Variants in FER observed in about 807,000 individuals in gnomAD.
FER encodes FER tyrosine kinase, also known as tyrosine-protein kinase Fer.
FER carries 63 observed loss-of-function variants against 111.0 expected under a neutral mutation model. The ratio of observed to expected loss-of-function variants is 0.57; its 90% CI spans 0.46 to 0.70. The LOEUF (loss-of-function observed/expected upper bound fraction) is 0.70. FER is among the 30% of genes least tolerant of loss of function. The pLI, the probability that FER is intolerant of heterozygous loss-of-function variation, is 0.00. For missense variants in FER, 914 were observed against 954.0 expected, an observed-to-expected ratio of 0.96 and a Z score of 0.55; for synonymous variants, 327 against 313.9, an observed-to-expected ratio of 1.04 and a Z score of -0.44.
chr5:108,887,021 A>T (rs1365672513), intron 9 of FER, among the ~76,000 whole-genome samples: 1 of 151,718 alleles, frequency 6.6e-6, no homozygotes, highest in Non-Finnish European at 1.5e-5. Flanking sequence ...CTACACATGT[A>T]TGTTTAAATA....
chr5:108,926,283 G>T (rs1753732598), intron 10 of FER, among the ~76,000 whole-genome samples: 1 of 149,538 alleles, frequency 6.7e-6, no homozygotes. Flanking sequence ...ACAATTTTGT[G>T]CTTTTTATTT....
intron 5 of FER, among the ~76,000 whole-genome samples, chr5:108,865,472 A>G (rs758756516): frequency 6.6e-6 from 1 of 152,342 alleles, no homozygotes; most frequent in African/African-American, 2.4e-5. Flanking sequence ...ACCTAAAACC[A>G]TAAAAACCCC....
At chr5:109,168,199 A>C (rs1436426293) in intron 17 of FER, among the ~76,000 whole-genome samples, 1 of 152,184 alleles carries the variant, frequency 6.6e-6, no homozygotes, top group East Asian at 1.9e-4. Context: ...TATTCTTTGG[A>C]TGTAACAGAT....
intron 10 of FER, among the ~76,000 whole-genome samples, chr5:108,912,188 G>GTC (rs750787465): frequency 5.3e-5 from 8 of 152,116 alleles, no homozygotes; most frequent in Non-Finnish European, 1.0e-4. Context: ...TCTCAGGTAT[G>GTC]TCTTTATTAG....
intron 3 of FER, chr5:108,820,033 G>A: frequency 1.0e-6 from 1 of 985,244 alleles, no homozygotes; most frequent in Non-Finnish European, 1.2e-6. Context: ...TCTAGGACAT[G>A]GAAAGGGAAT....
intron 5 of FER, among the ~76,000 whole-genome samples, chr5:108,861,334 A>G (rs1763496717): frequency 6.6e-6 from 1 of 152,206 alleles, no homozygotes; most frequent in Non-Finnish European, 1.5e-5. Context: ...GTAAATGTCA[A>G]ACTTACATAA....
At chr5:109,023,237 A>G (rs1232139460) in intron 13 of FER, among the ~76,000 whole-genome samples, 2 of 152,146 alleles carry the variant, frequency 1.3e-5, no homozygotes, top group African/African-American at 4.8e-5. Flanking sequence ...GGCAGGGAAA[A>G]TAATCAAGAA....
rs376810288 is a variant in FER at position 108,991,525 on chromosome 5, G to C, written c.1656+32178G>C. On this transcript the variant is annotated intron_variant, in intron 13 of 19. Coordinates refer to ENST00000281092, the MANE Select transcript of FER (RefSeq NM_005246.4). ...AGCAGCTTTTCAGATCGTATACTTT[G>C]ATATTTTATTTTTTTAAGAGTTCAA... 1.1e-4 allele frequency among the ~76,000 whole-genome samples: 17 copies of C among 151,990 alleles called. No individual in the cohort carries two copies. The East Asian group carries it at 1.3e-3, about 12-fold the overall frequency.
intron 3 of FER, among the ~76,000 whole-genome samples, chr5:108,829,881 G>A (rs1403285140): frequency 6.6e-6 from 1 of 152,052 alleles, no homozygotes; most frequent in Non-Finnish European, 1.5e-5. Flanking sequence ...ATAAATAATT[G>A]TTTTAAATGC....
intron 13 of FER, among the ~76,000 whole-genome samples, chr5:108,988,581 C>G (rs1762825878): frequency 6.6e-6 from 1 of 152,080 alleles, no homozygotes; most frequent in African/African-American, 2.4e-5. Context: ...TAAAGGTGTT[C>G]ATAGTAGCCT....
intron 13 of FER, among the ~76,000 whole-genome samples, chr5:109,027,231 C>G (rs184283426): frequency 1.3e-5 from 2 of 152,066 alleles, no homozygotes; most frequent in Admixed American, 1.3e-4. Context: ...GTAATTAAGT[C>G]CTCATGTTGA....
At chr5:109,023,573 G>A (rs563400702) in intron 13 of FER, among the ~76,000 whole-genome samples, 16 of 152,044 alleles carry the variant, frequency 1.1e-4, no homozygotes, top group African/African-American at 3.4e-4. Context: ...TTCAGTCTCA[G>A]CTTAAATGCC....
intron 16 of FER, among the ~76,000 whole-genome samples, chr5:109,049,929 A>T (rs891223410): frequency 2.0e-5 from 3 of 152,180 alleles, no homozygotes; most frequent in Non-Finnish European, 4.4e-5. Context: ...GCAAACATCA[A>T]AGTTGCTGGT....
chr5:109,179,467 A>G (rs1758050441), intron 17 of FER, among the ~76,000 whole-genome samples: 1 of 152,154 alleles, frequency 6.6e-6, no homozygotes, highest in South Asian at 2.1e-4. Flanking sequence ...TTTCCCTCCT[A>G]TGTTCTGTTA....
At chr5:108,907,995 A>G (rs1330552111) in intron 10 of FER, among the ~76,000 whole-genome samples, 1 of 152,234 alleles carries the variant, frequency 6.6e-6, no homozygotes, top group Non-Finnish European at 1.5e-5. Flanking sequence ...CATGCAGAAA[A>G]GGTTAAATGT....
rs564927167 is a variant in FER, at chr5:109,017,928, G to A, written c.1657-19494G>A. Among the ~76,000 whole-genome samples the A allele has an allele frequency of 4.0e-5, 6 of 151,850 alleles. 1 individual carries two copies. The highest frequency in any genetic ancestry group is 1.2e-4 in the African/African-American group (5 of 41,496). Reference sequence around the variant, plus strand: ...CTGTGGTCACATATATGATTGTTGGGACTTCTATAGTAACAAACCCTTTGT... The same window carrying A: ...CTGTGGTCACATATATGATTGTTGGAACTTCTATAGTAACAAACCCTTTGT... On this transcript the variant is annotated intron_variant, in intron 13 of 19. Coordinates refer to ENST00000281092, the MANE Select transcript of FER (RefSeq NM_005246.4).
At chr5:108,840,973 C>T (rs763883549) in intron 5 of FER, among the ~76,000 whole-genome samples, 8 of 152,110 alleles carry the variant, frequency 5.3e-5, no homozygotes, top group South Asian at 2.1e-4. Context: ...AGCAATATTA[C>T]GTTAACAGCC....
At chr5:108,977,712 A>C (rs963673483) in intron 13 of FER, among the ~76,000 whole-genome samples, 1 of 152,212 alleles carries the variant, frequency 6.6e-6, no homozygotes, top group Non-Finnish European at 1.5e-5. Context: ...ACATTTAATA[A>C]GTCATGAATT....
chr5:108,946,869 C>T (rs1314446854), intron 11 of FER, among the ~76,000 whole-genome samples: 1 of 151,886 alleles, frequency 6.6e-6, no homozygotes, highest in Non-Finnish European at 1.5e-5. Flanking sequence ...AGTGTATACA[C>T]CCCTAACAAG....
Sources: gnomAD v4.1 joint callset for allele counts (sites outside exome capture counted in the v4.1 genomes callset) on GRCh38, gnomAD v4.1.1 for gene constraint, MANE v1.5 for transcripts, NCBI Gene and HGNC (gene_info 2026-07-23, HGNC 2026-07-21) for gene names.